The following SMAD3 variants were observed in gnomAD, a reference collection of about 807,000 sequenced individuals.
The protein encoded by SMAD3 is MAD homolog 3.
A neutral mutation model predicts 51.8 loss-of-function variants in SMAD3; 12 were observed. That is an observed-to-expected ratio of 0.23 (90% CI 0.15 to 0.38). The LOEUF is 0.38. Ranked by LOEUF, SMAD3 falls within the 10% of genes least tolerant of loss-of-function variation. The probability of loss-of-function intolerance (pLI) is 1.00; values close to 1 mark genes in which losing one functional copy is unlikely to be tolerated. For synonymous variants in SMAD3, 238 were observed against 227.7 expected, an observed-to-expected ratio of 1.05 and a Z score of -0.41; for missense variants, 294 against 565.6, an observed-to-expected ratio of 0.52 and a Z score of 4.87.
At chr15:67,104,860 G>C (rs951985756) in intron 1 of SMAD3, among the ~76,000 whole-genome samples, 3 of 152,216 alleles carry the variant, frequency 2.0e-5, no homozygotes, top group Non-Finnish European at 4.4e-5. Context: ...CTATGTCCTG[G>C]GATCCAGTTC....
In SMAD3 at chr15:67,096,128, C is replaced by T. The variant is rs572882232; in HGVS notation, c.206+29768C>T. On this transcript the variant is annotated intron_variant, in intron 1 of 8. Coordinates refer to ENST00000327367, the MANE Select transcript of SMAD3 (RefSeq NM_005902.4). ...GCGATGACATTCTAAGAAACATCAA[C>T]GACCAAAGAACCCCATCATATCCTT... is the stretch of plus-strand genomic sequence containing the variant. 1.2e-4 allele frequency among the ~76,000 whole-genome samples: 18 copies of T among 152,284 alleles called. No homozygotes were observed. The East Asian group carries it at 2.1e-3, about 18-fold the overall frequency.
intron 8 of SMAD3, among the ~76,000 whole-genome samples, chr15:67,188,522 G>C (rs1370941854): frequency 2.6e-5 from 4 of 152,104 alleles, no homozygotes; most frequent in African/African-American, 9.7e-5. Flanking sequence ...CCTGCTTTGG[G>C]TTTAGAGAAT....
intron 1 of SMAD3, among the ~76,000 whole-genome samples, chr15:67,066,572 C>T (rs1959924261): frequency 6.6e-6 from 1 of 152,216 alleles, no homozygotes; most frequent in Non-Finnish European, 1.5e-5. Context: ...AGATCAGAGC[C>T]CGAGGCTTCC....
intron 5 of SMAD3, among the ~76,000 whole-genome samples, chr15:67,173,708 T>C (rs1016195936): frequency 2.0e-5 from 3 of 152,066 alleles, no homozygotes; most frequent in African/African-American, 7.3e-5. Context: ...GAATCTAAAT[T>C]CTAGGGGAAA....
At chr15:67,105,464 CAA>C (rs1960857142) in intron 1 of SMAD3, among the ~76,000 whole-genome samples, 1 of 152,162 alleles carries the variant, frequency 6.6e-6, no homozygotes, top group African/African-American at 2.4e-5. Context: ...CTACGGGAAG[CAA>C]AGAGTATTAT....
At chr15:67,166,289 C>T (rs569008618) in intron 3 of SMAD3, 41 of 497,262 alleles carry the variant, frequency 8.2e-5, no homozygotes, top group African/African-American at 6.2e-4. Context: ...CTGTCTTTGC[C>T]GTCATTGAAC....
intron 1 of SMAD3, among the ~76,000 whole-genome samples, chr15:67,135,942 A>G (rs1374136185): frequency 1.3e-5 from 2 of 151,934 alleles, no homozygotes; most frequent in Non-Finnish European, 2.9e-5. Flanking sequence ...TGTTACTCCA[A>G]CCCCTTCCCC....
chr15:67,137,258 C>T (rs1961690605), intron 1 of SMAD3, among the ~76,000 whole-genome samples: 1 of 152,202 alleles, frequency 6.6e-6, no homozygotes, highest in Non-Finnish European at 1.5e-5. Context: ...GATATAAACA[C>T]TTGAACCAGG....
rs146611776 is a variant in SMAD3, at chr15:67,166,488, T to C, written c.533-291T>C. ...GAGGGGGTGGGGCTTAACCCTCACCTTGAAGGACCAGGATAAGTTAGCCTG... is the reference window on the plus strand; with the variant it reads ...GAGGGGGTGGGGCTTAACCCTCACCCTGAAGGACCAGGATAAGTTAGCCTG... On this transcript the variant is annotated intron_variant, in intron 3 of 8. Transcript: ENST00000327367. 5.0e-3 allele frequency: 2,586 copies of C among 516,524 alleles called. 17 individuals carry two copies. Among genetic ancestry groups the C allele is most frequent in the Non-Finnish European group, 7.4e-3 (2,093 of 283,486 alleles). The allele number at this position is 516,524 out of a possible 1,614,324, so 32.0% of individuals were successfully genotyped here. A position where few individuals can be genotyped will look rare whatever the true frequency, so the allele number is the denominator to read the frequency against.
chr15:67,174,105 G>A (rs1333135630), intron 5 of SMAD3, among the ~76,000 whole-genome samples: 1 of 152,228 alleles, frequency 6.6e-6, no homozygotes, highest in Non-Finnish European at 1.5e-5. Context: ...GTGGTTGAAT[G>A]AGTGTGGAAA....
chr15:67,188,993 T>C (rs1163735691), intron 8 of SMAD3, among the ~76,000 whole-genome samples: 1 of 152,192 alleles, frequency 6.6e-6, no homozygotes, highest in Non-Finnish European at 1.5e-5. Context: ...GCAATCAAAG[T>C]GGTCAGACCT....
At chr15:67,075,865 A>G (rs1960155798) in intron 1 of SMAD3, among the ~76,000 whole-genome samples, 2 of 151,970 alleles carry the variant, frequency 1.3e-5, no homozygotes, top group African/African-American at 2.4e-5. Context: ...CCGTGAGCCA[A>G]GATCGCACCA....
intron 1 of SMAD3, chr15:67,125,618 C>G (rs1217356666): frequency 1.5e-6 from 1 of 676,842 alleles, no homozygotes; most frequent in African/African-American, 1.9e-5. Context: ...TGGCTTGCAT[C>G]CAGAGTGCGT....
intron 5 of SMAD3, among the ~76,000 whole-genome samples, chr15:67,175,656 C>T (rs1962871413): frequency 6.6e-6 from 1 of 152,202 alleles, no homozygotes; most frequent in Non-Finnish European, 1.5e-5. Context: ...GGGCAAGTTG[C>T]CCCGTGAGTC....
At chr15:67,183,980 G>C (rs6494636) in intron 6 of SMAD3, among the ~76,000 whole-genome samples, 69,074 of 151,908 alleles carry the variant, frequency 0.45, 16,101 homozygotes, top group Non-Finnish European at 0.52. Flanking sequence ...CTGAATCTTG[G>C]AGTGTGAAGA....
At chr15:67,097,497 A>G (rs1960639954) in intron 1 of SMAD3, among the ~76,000 whole-genome samples, 1 of 152,082 alleles carries the variant, frequency 6.6e-6, no homozygotes, top group Non-Finnish European at 1.5e-5. Flanking sequence ...TGCCTGCCTC[A>G]GCCTCCCAAA....
chr15:67,184,673 G>A (rs1044831126), intron 6 of SMAD3, 54 bp from the exon 7 acceptor site: 13 of 1,609,340 alleles, frequency 8.1e-6, no homozygotes, highest in Middle Eastern at 1.9e-4. Context: ...GTGGCCCCAG[G>A]GCCATTGTGT....
At position 67,181,471 on chromosome 15, in the gene SMAD3, TCCC is replaced by T; in HGVS notation, c.871+20_871+22del. The T allele has an allele frequency of 1.1e-5, 17 of 1,520,778 alleles. No homozygotes were observed. Among genetic ancestry groups the T allele is most frequent in the African/African-American group, 3.1e-5 (2 of 64,662 alleles). 94.2% of individuals were successfully genotyped at this position (1,520,778 alleles called of 1,614,324 possible). On this transcript the variant is annotated intron_variant, in intron 6 of 8. Transcript: ENST00000327367. ...ACACATCGGTATGGGGTGGCTCCAT[TCCC>T]CGCCCCCCCACCCTGCCCCTGCCAC...
At chr15:67,140,394 C>T (rs1357827634) in intron 1 of SMAD3, among the ~76,000 whole-genome samples, 1 of 152,200 alleles carries the variant, frequency 6.6e-6, no homozygotes, top group African/African-American at 2.4e-5. Flanking sequence ...TAGCTCTCTT[C>T]TTTTTTCTAA....
Sources: allele counts gnomAD v4.1 joint callset (sites outside exome capture counted in the v4.1 genomes callset), GRCh38; gene constraint gnomAD v4.1.1; transcripts MANE v1.5; gene names NCBI Gene and HGNC (gene_info 2026-07-23, HGNC 2026-07-21).